ARHGEF9: variants seen among roughly 807,000 people sequenced by gnomAD.
ARHGEF9 encodes Cdc42 guanine nucleotide exchange factor 9, also known as rho guanine nucleotide exchange factor 9.
A neutral mutation model predicts 41.3 loss-of-function variants in ARHGEF9; 2 were observed. The ratio of observed to expected loss-of-function variants is 0.05; its 90% CI spans 0.02 to 0.15. The LOEUF (loss-of-function observed/expected upper bound fraction) is 0.15, where lower values mean the gene tolerates loss of function less well. ARHGEF9 is among the 10% of genes least tolerant of loss of function. The probability of loss-of-function intolerance (pLI) is 1.00; values close to 1 mark genes in which losing one functional copy is unlikely to be tolerated. For missense variants in ARHGEF9, 225 were observed against 424.7 expected (o/e 0.53, Z 4.13); for synonymous variants, 160 against 154.4 (o/e 1.04, Z -0.27).
intron 1 of ARHGEF9, among the ~76,000 whole-genome samples, chrX:63,778,229 G>T (rs1298757349): frequency 8.9e-6 from 1 of 112,569 alleles, no homozygotes; most frequent in Non-Finnish European, 1.9e-5. Flanking sequence ...CCAACATCAT[G>T]TATAACCTGC....
intron 1 of ARHGEF9, among the ~76,000 whole-genome samples, chrX:63,751,218 T>A (rs1185190693): frequency 1.8e-5 from 2 of 110,752 alleles, no homozygotes; most frequent in African/African-American, 3.3e-5. Flanking sequence ...AGAGGAAAAG[T>A]CCTCTTCTCT....
intron 7 of ARHGEF9, among the ~76,000 whole-genome samples, 187 bp from the exon 8 acceptor site, chrX:63,655,924 A>C (rs1317636575): frequency 8.9e-6 from 1 of 111,990 alleles, no homozygotes; most frequent in African/African-American, 3.2e-5. Context: ...TAGATGCCCA[A>C]AGAAAAAGCC....
chrX:63,662,084 T>C (rs1355194435), intron 7 of ARHGEF9, among the ~76,000 whole-genome samples: 13 of 111,651 alleles, frequency 1.2e-4, no homozygotes, highest in Non-Finnish European at 2.4e-4. Flanking sequence ...TTGGGTAAGA[T>C]GAGATTAATG....
intron 7 of ARHGEF9, among the ~76,000 whole-genome samples, chrX:63,659,831 C>T (rs1312957934): frequency 9.0e-6 from 1 of 111,581 alleles, no homozygotes; most frequent in Non-Finnish European, 1.9e-5. Context: ...CATTTATTAA[C>T]CTAAATAATC....
chrX:63,653,975 G>T (rs1194747151), intron 8 of ARHGEF9, among the ~76,000 whole-genome samples: 1 of 109,216 alleles, frequency 9.2e-6, no homozygotes, highest in Non-Finnish European at 1.9e-5. Flanking sequence ...GGGAGAGAAA[G>T]AAAAAAGATT....
At chrX:63,648,876 G>T (rs1406733378) in intron 8 of ARHGEF9, among the ~76,000 whole-genome samples, 6 of 111,420 alleles carry the variant, frequency 5.4e-5, no homozygotes, top group African/African-American at 9.8e-5. Context: ...AATGGTAAGG[G>T]CATCAATTCA....
chrX:63,641,639 T>C (rs1193210078), intron 9 of ARHGEF9: 4 of 111,944 alleles, frequency 3.6e-5, no homozygotes, highest in Admixed American at 2.8e-4. Flanking sequence ...GACAATTCAG[T>C]CTCAGATATG....
intron 1 of ARHGEF9, among the ~76,000 whole-genome samples, chrX:63,740,036 T>C (rs2147716510): frequency 9.0e-6 from 1 of 111,697 alleles, no homozygotes; most frequent in African/African-American, 3.3e-5. Flanking sequence ...AGGATTCTCT[T>C]AGAGCCAGAG....
intron 1 of ARHGEF9, among the ~76,000 whole-genome samples, chrX:63,771,045 T>C (rs2056196572): frequency 8.9e-6 from 1 of 112,581 alleles, no homozygotes; most frequent in African/African-American, 3.2e-5. Context: ...CTATTGTTTG[T>C]AGACTTTTTA....
intron 1 of ARHGEF9, among the ~76,000 whole-genome samples, chrX:63,782,094 A>G (rs2056390503): frequency 9.0e-6 from 1 of 111,191 alleles, no homozygotes; most frequent in Admixed American, 9.6e-5. Context: ...ACCTCCTGAC[A>G]TAGTGTATAT....
chrX:63,756,672 G>C (rs1292762870), intron 1 of ARHGEF9, among the ~76,000 whole-genome samples: 1 of 112,108 alleles, frequency 8.9e-6, no homozygotes, highest in African/African-American at 3.2e-5. Flanking sequence ...AAATGTACTG[G>C]CCTGTAATGT....
intron 4 of ARHGEF9, among the ~76,000 whole-genome samples, chrX:63,680,090 G>A (rs1386610014): frequency 2.7e-5 from 3 of 111,868 alleles, no homozygotes; most frequent in African/African-American, 9.7e-5. Context: ...TACAATGGCA[G>A]CCGAAAAAAT....
chrX:63,661,291 C>G (rs1359466672), intron 7 of ARHGEF9, among the ~76,000 whole-genome samples: 1 of 111,578 alleles, frequency 9.0e-6, no homozygotes, highest in Non-Finnish European at 1.9e-5. Flanking sequence ...CATCATTACA[C>G]GTTGTTTAGT....
At chrX:63,731,029 T>C (rs1411388894) in intron 1 of ARHGEF9, among the ~76,000 whole-genome samples, 1 of 112,067 alleles carries the variant, frequency 8.9e-6, no homozygotes, top group African/African-American at 3.2e-5. Flanking sequence ...AGTGTTTTAA[T>C]AAGAAGCAGC....
chrX:63,659,397 G>C (rs2049076521), intron 7 of ARHGEF9, among the ~76,000 whole-genome samples: 1 of 112,165 alleles, frequency 8.9e-6, no homozygotes, highest in Non-Finnish European at 1.9e-5. Context: ...GCCTAATGAA[G>C]TTTATCATTT....
At chrX:63,725,607 A>G (rs2053915558) in intron 1 of ARHGEF9, 1 of 108,295 alleles carries the variant, frequency 9.2e-6, no homozygotes, top group African/African-American at 3.4e-5. Context: ...GACATTCATG[A>G]AACTCATCTA....
At chrX:63,724,771 C>G (rs1308632512) in intron 1 of ARHGEF9, 60 bp from the exon 2 acceptor site, 3 of 1,086,045 alleles carry the variant, frequency 2.8e-6, no homozygotes, top group Admixed American at 2.2e-5. Flanking sequence ...GCCCCTTCCC[C>G]CACCCACAGA....
At chrX:63,757,529 A>G (rs2055956929) in intron 1 of ARHGEF9, among the ~76,000 whole-genome samples, 1 of 111,785 alleles carries the variant, frequency 8.9e-6, no homozygotes, top group Non-Finnish European at 1.9e-5. Context: ...GCCAGAAACC[A>G]AGAAAATATC....
chrX:63,777,753 G>T (rs1228051578), intron 1 of ARHGEF9, among the ~76,000 whole-genome samples: 1 of 112,627 alleles, frequency 8.9e-6, no homozygotes, highest in African/African-American at 3.2e-5. Context: ...CCAGAATCCA[G>T]TGGAGCAGCC....
Sources: allele counts gnomAD v4.1 joint callset (sites outside exome capture counted in the v4.1 genomes callset), GRCh38; gene constraint gnomAD v4.1.1; transcripts MANE v1.5; gene names NCBI Gene and HGNC (gene_info 2026-07-23, HGNC 2026-07-21).